RTTN: variants seen among roughly 807,000 people sequenced by gnomAD.
The protein encoded by RTTN is rotatin.
RTTN carries 182 observed loss-of-function variants against 269.2 expected under a neutral mutation model. The observed-to-expected ratio is 0.68, with a 90% CI of 0.60 to 0.76. RTTN has a LOEUF of 0.76. Among genes scored for constraint, RTTN ranks in the 30% least tolerant of loss-of-function variants. The pLI is 0.00. For missense variants in RTTN, 2,545 were observed against 2,608.6 expected (o/e 0.98, Z 0.53); for synonymous variants, 1,006 against 963.5 (o/e 1.04, Z -0.82).
chr18:70,013,740 A>G (rs2056463036), intron 46 of RTTN, among the ~76,000 whole-genome samples: 1 of 152,126 alleles, frequency 6.6e-6, no homozygotes, highest in Non-Finnish European at 1.5e-5. Flanking sequence ...AAGTTTAGGG[A>G]TGTCAGTTTG....
At chr18:70,153,862 A>T (rs1306530082) in intron 14 of RTTN, among the ~76,000 whole-genome samples, 2 of 152,188 alleles carry the variant, frequency 1.3e-5, no homozygotes, top group African/African-American at 2.4e-5. Context: ...ATACACATGA[A>T]TTTTTTAAAA....
intron 10 of RTTN, among the ~76,000 whole-genome samples, chr18:70,185,477 T>C (rs1014124231): frequency 6.6e-6 from 1 of 152,160 alleles, no homozygotes; most frequent in African/African-American, 2.4e-5. Flanking sequence ...TACATGGAAC[T>C]TCCTCAACTT....
At chr18:70,116,577 A>C (rs189301734) in intron 26 of RTTN, among the ~76,000 whole-genome samples, 15 of 152,124 alleles carry the variant, frequency 9.9e-5, no homozygotes, top group Non-Finnish European at 1.0e-4. Flanking sequence ...TCAAGTGCTT[A>C]ATCATATCTG....
chr18:70,173,417 C>G (rs2061196365), intron 11 of RTTN, among the ~76,000 whole-genome samples: 1 of 147,642 alleles, frequency 6.8e-6, no homozygotes, highest in Non-Finnish European at 1.5e-5. Flanking sequence ...GGCTTGAACC[C>G]AGGAGGCGGA....
intron 28 of RTTN, among the ~76,000 whole-genome samples, chr18:70,094,971 C>T (rs763213330): frequency 7.3e-5 from 11 of 151,666 alleles, no homozygotes; most frequent in South Asian, 4.2e-4. Flanking sequence ...ACTTGCTTTA[C>T]GAATCTGGGT....
chr18:70,088,925 A>T (rs936864558), intron 30 of RTTN, among the ~76,000 whole-genome samples: 39 of 152,228 alleles, frequency 2.6e-4, no homozygotes, highest in African/African-American at 9.4e-4. Context: ...TTGTATTGTA[A>T]TGCAAATGCA....
chr18:70,172,767 T>C (rs1457690817), intron 11 of RTTN, among the ~76,000 whole-genome samples: 1 of 152,096 alleles, frequency 6.6e-6, no homozygotes, highest in East Asian at 1.9e-4. Flanking sequence ...TTCTTTTTGG[T>C]TCCTGTCCAA....
At position 70,196,607 on chromosome 18, in the gene RTTN, C is replaced by G. The variant is rs1346823361; in HGVS notation, c.735G>C (p.Lys245Asn). 4 of 1,468,788 alleles carry G rather than the reference C, an allele frequency of 2.7e-6. No individual in the cohort carries two copies. The East Asian group carries it at 1.0e-4, about 37-fold the overall frequency. 91.0% of individuals were successfully genotyped at this position (1,468,788 alleles called of 1,614,324 possible). A position where few individuals can be genotyped will look rare whatever the true frequency, so the allele number is the denominator to read the frequency against. The part of the protein sequence containing the change: ...SLLKLAFGDG[K>N]HRLALQSVSC... ...ACACCGACTGTAATGCCAGGCGATG[C>G]TTTCCATCTCCAAAGGCCAGTTTCA... is the stretch of plus-strand genomic sequence containing the variant. The change falls in exon 7 of 49, where the codon AAG becomes AAC. Residue 245 changes from lysine (K) to asparagine (N), a missense_variant. By Grantham distance (94) the Lys-to-Asn change is moderately conservative. Coordinates refer to ENST00000640769, the MANE Select transcript of RTTN (RefSeq NM_173630.4).
rs2061728246 is a variant in RTTN at position 70,193,400 on chromosome 18, G to A, written c.895C>T (p.His299Tyr). 1 of 1,604,960 alleles carries A rather than the reference G, an allele frequency of 6.2e-7. No homozygotes were observed. Among genetic ancestry groups the A allele is most frequent in the African/African-American group, 1.3e-5 (1 of 74,196 alleles). The change falls in exon 8 of 49, where the codon CAT (histidine) becomes TAT (tyrosine). Residue 299 changes from histidine (H) to tyrosine (Y), a missense_variant. By Grantham distance (83) the His-to-Tyr change is moderately conservative. Coordinates refer to ENST00000640769, the MANE Select transcript of RTTN (RefSeq NM_173630.4). ...LSYCHEARGTHHSQNPSPGSS... is the reference protein window; with the variant it reads ...LSYCHEARGTYHSQNPSPGSS... ...CCTGGGGAAGGATTCTGGGAATGAT[G>A]AGTACCTCTTGCTTCATGACAATAA...
chr18:70,006,276 C>T (rs2056183636), intron 47 of RTTN, 105 bp downstream of exon 47: 2 of 727,240 alleles, frequency 2.8e-6, no homozygotes, highest in African/African-American at 1.8e-5. Flanking sequence ...TGTCTTTTTT[C>T]TTTTGCTGTA....
At chr18:70,088,217 T>A (rs371835404) in intron 30 of RTTN, 70 bp from the exon 31 acceptor site, 1 of 1,409,208 alleles carries the variant, frequency 7.1e-7, no homozygotes, top group Non-Finnish European at 9.6e-7. Flanking sequence ...TTAGTTTTTC[T>A]GGTACATAAA....
At chr18:70,069,342 GC>G (rs1438970490) in intron 34 of RTTN, among the ~76,000 whole-genome samples, 1 of 151,920 alleles carries the variant, frequency 6.6e-6, no homozygotes, top group African/African-American at 2.4e-5. Flanking sequence ...TGTCATTTTA[GC>G]TCAAAACTAG....
intron 10 of RTTN, among the ~76,000 whole-genome samples, chr18:70,184,716 T>TTGTGTGTGTGTG (rs1555776912): frequency 1.6e-3 from 53 of 33,430 alleles, no homozygotes; most frequent in African/African-American, 2.9e-3. Context: ...TTTTTTTTTT[T>TTGTGTGTGTGTG]TGTGTGTGTG....
intron 10 of RTTN, among the ~76,000 whole-genome samples, chr18:70,180,763 C>T (rs7231894): frequency 0.99 from 151,365 of 152,262 alleles, 75,239 homozygotes; most frequent in East Asian, 1. Context: ...ATTAAATGAC[C>T]TCATAAATAG....
At chr18:70,126,384 G>A (rs1050427653) in intron 25 of RTTN, among the ~76,000 whole-genome samples, 4 of 152,056 alleles carry the variant, frequency 2.6e-5, no homozygotes. Flanking sequence ...TTAAATGCGG[G>A]AGTGTGCTGA....
In RTTN at chr18:70,205,263, C is replaced by G; in HGVS notation, c.84G>C (p.Lys28Asn). 1 of 1,614,244 alleles carries G rather than the reference C, an allele frequency of 6.2e-7. No individual in the cohort carries two copies. Among genetic ancestry groups the G allele is most frequent in the Non-Finnish European group, 8.5e-7 (1 of 1,180,042 alleles). The part of the protein sequence containing the change: ...RERALKSILC[K>N]IEHNLICYAD... ...CGTAGCAGATTAAGTTGTGCTCAATCTTGCAGAGAATACTCTTGAGAGCGC... is the reference window on the plus strand; with the variant it reads ...CGTAGCAGATTAAGTTGTGCTCAATGTTGCAGAGAATACTCTTGAGAGCGC... Residue 28 changes from lysine (K) to asparagine (N), a missense_variant, in exon 2 of 49, where the codon AAG (lysine) becomes AAC (asparagine). Lys to Asn is a moderately conservative substitution (Grantham distance 94, BLOSUM62 0). Transcript: ENST00000640769.
intron 6 of RTTN, 147 bp downstream of exon 6, chr18:70,197,477 C>G: frequency 1.5e-6 from 1 of 653,084 alleles, no homozygotes; most frequent in Non-Finnish European, 2.8e-6. Context: ...CCCAAGTTAG[C>G]GAATAAGTGC....
chr18:70,110,403 G>T (rs1599599422), intron 27 of RTTN, among the ~76,000 whole-genome samples: 1 of 152,114 alleles, frequency 6.6e-6, no homozygotes, highest in Non-Finnish European at 1.5e-5. Flanking sequence ...GTGGGTGCAG[G>T]GCACAGAGGG....
intron 31 of RTTN, 77 bp downstream of exon 31, chr18:70,087,912 G>GA: frequency 6.9e-7 from 1 of 1,455,892 alleles, no homozygotes; most frequent in Non-Finnish European, 9.4e-7. Context: ...CCACCATGTT[G>GA]AGCGGCAGTC....
Sources: allele counts gnomAD v4.1 joint callset (sites outside exome capture counted in the v4.1 genomes callset), GRCh38; gene constraint gnomAD v4.1.1; transcripts MANE v1.5; gene names NCBI Gene and HGNC (gene_info 2026-07-23, HGNC 2026-07-21).